The following LMAN2 variants were observed in gnomAD, a reference collection of about 807,000 sequenced individuals.
LMAN2 encodes vesicular integral-membrane protein VIP36.
LMAN2 carries 22 observed loss-of-function variants against 39.3 expected under a neutral mutation model. That is an observed-to-expected ratio of 0.56 (90% CI 0.40 to 0.80). The LOEUF (loss-of-function observed/expected upper bound fraction) is 0.80. Among genes scored for constraint, LMAN2 ranks in the 30% least tolerant of loss-of-function variants. The pLI is 0.00. For missense variants in LMAN2, 494 were observed against 505.4 expected (o/e 0.98, Z 0.22); for synonymous variants, 207 against 207.8 (o/e 1.00, Z 0.03).
At position 177,332,169 on chromosome 5, in the gene LMAN2, C is replaced by T. The variant is rs150674852; in HGVS notation, c.988G>A (p.Ala330Thr). Reference sequence around the variant, plus strand: ...GCGCAGACAACGATGCCCAGGAGAGCGCACAGCAGCAGCAGGAACACCCGC... The same window carrying T: ...GCGCAGACAACGATGCCCAGGAGAGTGCACAGCAGCAGCAGGAACACCCGC... ...GWRVFLLLLC[A>T]LLGIVVCAVV... The change falls in exon 8 of 8, where the codon GCT becomes ACT. Residue 330 changes from alanine (A) to threonine (T), a missense_variant. Ala to Thr is a moderately conservative substitution (Grantham distance 58, BLOSUM62 0). Coordinates refer to ENST00000303127, the MANE Select transcript of LMAN2 (RefSeq NM_006816.3). The surrounding 1 kb of genome is among the most constrained non-coding windows in gnomAD (Gnocchi z 6.3). 11,202 of 1,613,636 alleles carry T rather than the reference C, an allele frequency of 6.9e-3. 46 individuals carry two copies. Among genetic ancestry groups the T allele is most frequent in the Non-Finnish European group, 8.0e-3 (9,420 of 1,179,954 alleles).
rs1561604239 is a variant in LMAN2 at position 177,337,373 on chromosome 5, C to T, written c.665G>A (p.Gly222Asp). 1 of 1,611,236 alleles carries T rather than the reference C, an allele frequency of 6.2e-7. No individual in the cohort carries two copies. Among genetic ancestry groups the T allele is most frequent in the East Asian group, 2.2e-5 (1 of 44,864 alleles). The change falls in exon 5 of 8, where the codon GGC becomes GAC. Residue 222 changes from glycine to aspartate, a missense_variant. Gly to Asp is a moderately conservative substitution (Grantham distance 94). Coordinates refer to ENST00000303127, the MANE Select transcript of LMAN2 (RefSeq NM_006816.3). The surrounding 1 kb of genome is among the most constrained non-coding windows in gnomAD (Gnocchi z 8.2). ...DTFLAVRYSR[G>D]RLTVMTDLED... ...GCCTAGCCTGCTCACCGTCAGACGGCCCCGGGAGTAGCGCACAGCCAGGAA... is the reference window on the plus strand; with the variant it reads ...GCCTAGCCTGCTCACCGTCAGACGGTCCCGGGAGTAGCGCACAGCCAGGAA...
At chr5:177,340,009 TGA>T (rs1232455246) in intron 2 of LMAN2, among the ~76,000 whole-genome samples, 1 of 151,296 alleles carries the variant, frequency 6.6e-6, no homozygotes, top group Non-Finnish European at 1.5e-5. Context: ...GAGGAAACAG[TGA>T]GAGAGGCTAA....
Position 177,351,449 on chromosome 5 carries a change from C to G in LMAN2, c.196+3G>C. On this transcript the variant is annotated splice_donor_region_variant and intron_variant, in intron 1 of 7. Transcript: ENST00000303127. ...TCACTCATTCCCGCCCCAAGGGCTTCACCTTGGTAGGGCTTAATGAGCGAA... is the reference window on the plus strand; with the variant it reads ...TCACTCATTCCCGCCCCAAGGGCTTGACCTTGGTAGGGCTTAATGAGCGAA... The G allele has an allele frequency of 6.2e-7, 1 of 1,611,806 alleles. No individual in the cohort carries two copies. The highest frequency in any genetic ancestry group is 8.5e-7 in the Non-Finnish European group (1 of 1,178,688).
intron 2 of LMAN2, among the ~76,000 whole-genome samples, chr5:177,339,263 A>C (rs1330662545): frequency 2.6e-5 from 4 of 152,194 alleles, no homozygotes; most frequent in African/African-American, 9.6e-5. Context: ...CCACCCTGCT[A>C]ACCAACCTTC....
chr5:177,332,157 T>C lies in LMAN2; in HGVS notation c.1000A>G (p.Ile334Val), dbSNP rs1761395214. 6.2e-7 allele frequency: 1 copy of C among 1,613,566 alleles called. No individual in the cohort carries two copies. The highest frequency in any genetic ancestry group is 8.5e-7 in the Non-Finnish European group (1 of 1,179,954). The change falls in exon 8 of 8, where the codon ATC becomes GTC. Residue 334 changes from isoleucine (I) to valine (V), a missense_variant. Transcript: ENST00000303127. The surrounding 1 kb of genome is among the most constrained non-coding windows in gnomAD (Gnocchi z 6.3). ...GCCCCCACCACGGCGCAGACAACGA[T>C]GCCCAGGAGAGCGCACAGCAGCAGC... Reference protein sequence around the residue: ...FLLLLCALLGIVVCAVVGAVV... With the variant: ...FLLLLCALLGVVVCAVVGAVV...
At chr5:177,333,790 C>A (rs1418505928) in intron 7 of LMAN2, among the ~76,000 whole-genome samples, 1 of 152,234 alleles carries the variant, frequency 6.6e-6, no homozygotes, top group African/African-American at 2.4e-5. Flanking sequence ...TGTAGAAACC[C>A]AATTTCCAAT....
intron 2 of LMAN2, among the ~76,000 whole-genome samples, chr5:177,341,217 C>CCA (rs1182055506): frequency 6.6e-6 from 1 of 151,994 alleles, no homozygotes; most frequent in African/African-American, 2.4e-5. Flanking sequence ...CAGGCATGCG[C>CCA]CACTACGCCT....
chr5:177,345,926 C>A, intron 2 of LMAN2: 1 of 152,100 alleles, frequency 6.6e-6, no homozygotes. Context: ...CGCCACCACA[C>A]CCAGCTAATT....
At chr5:177,339,765 G>T (rs915423163) in intron 2 of LMAN2, among the ~76,000 whole-genome samples, 1 of 152,058 alleles carries the variant, frequency 6.6e-6, no homozygotes, top group Non-Finnish European at 1.5e-5. Context: ...TCTGGGAGGG[G>T]GATTATGGCG....
rs142842960 is a variant in LMAN2 at position 177,331,619 on chromosome 5, C to T, written c.*467G>A. The T allele has an allele frequency of 5.2e-5, 8 of 154,684 alleles. No individual in the cohort carries two copies. Among genetic ancestry groups the T allele is most frequent in the Non-Finnish European group, 1.0e-4 (7 of 69,488 alleles). 9.6% of individuals were successfully genotyped at this position (154,684 alleles called of 1,614,324 possible). ...GGTCACACTCGGCCCCACCACACCG[C>T]GCCTGCAGCCTCACTTGAGCATCTG... is the stretch of plus-strand genomic sequence containing the variant. On this transcript the variant is annotated 3_prime_UTR_variant, in exon 8 of 8. Transcript: ENST00000303127.
intron 2 of LMAN2, among the ~76,000 whole-genome samples, chr5:177,341,936 G>A (rs1761559537): frequency 6.6e-6 from 1 of 152,018 alleles, no homozygotes; most frequent in Non-Finnish European, 1.5e-5. Flanking sequence ...TTAAAACTGA[G>A]AAAAGAGCAT....
Position 177,338,474 on chromosome 5 carries a change from G to A in LMAN2, c.433+14C>T, listed in dbSNP as rs551591323. ...CCACCCCCACAGGGCCCAGCTGAGCGAACACCAGCCCACCTGGCACGAGGC... is the reference window on the plus strand; with the variant it reads ...CCACCCCCACAGGGCCCAGCTGAGCAAACACCAGCCCACCTGGCACGAGGC... On this transcript the variant is annotated intron_variant, in intron 3 of 7. Transcript: ENST00000303127. 81 of 1,607,044 alleles carry A rather than the reference G, an allele frequency of 5.0e-5. No individual in the cohort carries two copies. The highest frequency in any genetic ancestry group is 5.9e-5 in the Non-Finnish European group (69 of 1,173,858).
intron 2 of LMAN2, among the ~76,000 whole-genome samples, chr5:177,345,039 T>G (rs1477275615): frequency 1.3e-5 from 2 of 151,938 alleles, no homozygotes; most frequent in East Asian, 1.9e-4. Flanking sequence ...AGCCATGACA[T>G]CTTTTAAATG....
At chr5:177,350,492 G>A (rs4976645) in intron 2 of LMAN2, among the ~76,000 whole-genome samples, 61,773 of 152,022 alleles carry the variant, frequency 0.41, 14,738 homozygotes, top group African/African-American at 0.67. Flanking sequence ...ACAGACACTA[G>A]AACTGCCCAC....
In LMAN2 at chr5:177,338,440, T is replaced by C. The variant is rs376430289; in HGVS notation, c.433+48A>G. 5.5e-5 allele frequency: 82 copies of C among 1,497,876 alleles called. No homozygotes were observed. In the African/African-American group the frequency reaches 1.1e-3, roughly 20 times the overall value. The allele number at this position is 1,497,876 out of a possible 1,614,324, so 92.8% of individuals were successfully genotyped here. ...CACCTCCCTAGGGGGCCAGCAGCCATGCCCGTGCCCACCCCCACAGGGCCC... is the reference window on the plus strand; with the variant it reads ...CACCTCCCTAGGGGGCCAGCAGCCACGCCCGTGCCCACCCCCACAGGGCCC... On this transcript the variant is annotated intron_variant, in intron 3 of 7. Transcript: ENST00000303127.
At chr5:177,333,226 A>C (rs4976643) in intron 7 of LMAN2, among the ~76,000 whole-genome samples, 61,806 of 152,048 alleles carry the variant, frequency 0.41, 14,724 homozygotes, top group African/African-American at 0.66. Flanking sequence ...TCTGCCGCAG[A>C]CCCTAGAATG....
intron 2 of LMAN2, among the ~76,000 whole-genome samples, chr5:177,341,461 G>C (rs543033515): frequency 6.6e-6 from 1 of 152,212 alleles, no homozygotes; most frequent in Non-Finnish European, 1.5e-5. Flanking sequence ...CCGGCTTCAC[G>C]GCGGGAACAG....
intron 6 of LMAN2, among the ~76,000 whole-genome samples, chr5:177,335,572 G>A (rs1761457480): frequency 2.0e-5 from 3 of 152,188 alleles, no homozygotes. Context: ...GACAAGGGCT[G>A]AAACAGTGTG....
At chr5:177,348,687 CAAAAAA>C (rs35269220) in intron 2 of LMAN2, among the ~76,000 whole-genome samples, 2 of 33,860 alleles carry the variant, frequency 5.9e-5, no homozygotes, top group African/African-American at 1.1e-4. Flanking sequence ...GACTCTGTCT[CAAAAAA>C]AAAAAAAAAA....
Sources: allele counts gnomAD v4.1 joint callset (sites outside exome capture counted in the v4.1 genomes callset), GRCh38; gene constraint gnomAD v4.1.1; non-coding constraint Gnocchi (gnomAD v3.1); transcripts MANE v1.5; gene names NCBI Gene and HGNC (gene_info 2026-07-23, HGNC 2026-07-21).